Variants in BMPR1A observed in about 807,000 individuals in gnomAD.
BMPR1A encodes the protein bone morphogenetic protein receptor type-1A.
BMPR1A carries 7 observed loss-of-function variants against 66.0 expected under a neutral mutation model. That is an observed-to-expected ratio of 0.11 (90% CI 0.06 to 0.20). The LOEUF is 0.20. BMPR1A is among the 10% of genes least tolerant of loss of function. The pLI, the probability that BMPR1A is intolerant of heterozygous loss-of-function variation, is 1.00. For missense variants in BMPR1A, 408 were observed against 669.1 expected (o/e 0.61, Z 4.31); for synonymous variants, 200 against 229.7 (o/e 0.87, Z 1.17).
intron 1 of BMPR1A, among the ~76,000 whole-genome samples, chr10:86,766,336 T>C (rs939994020): frequency 6.6e-6 from 1 of 152,236 alleles, no homozygotes; most frequent in Non-Finnish European, 1.5e-5. Flanking sequence ...TATTCCATTT[T>C]CTGATTATAC....
Position 86,918,647 on chromosome 10 carries a change from G to A in BMPR1A, c.869-525G>A, listed in dbSNP as rs1843612060. Among the ~76,000 whole-genome samples, 4 of 140,636 alleles carry A rather than the reference G, an allele frequency of 2.8e-5. 1 individual carries two copies. The highest frequency in any genetic ancestry group is 2.2e-4 in the Admixed American group (3 of 13,776). 92.3% of individuals were successfully genotyped at this position (140,636 alleles called of 152,430 possible). A position where few individuals can be genotyped will look rare whatever the true frequency, so the allele number is the denominator to read the frequency against. ...CTTTTCTTTTTTTTTTTTTTGAGAC[G>A]GAGTCTCATTCTGTCGCTCAGGCTG... On this transcript the variant is annotated intron_variant, in intron 9 of 12. Transcript: ENST00000372037.
chr10:86,887,893 C>T (rs1024118167), intron 3 of BMPR1A, among the ~76,000 whole-genome samples: 4 of 152,126 alleles, frequency 2.6e-5, no homozygotes, highest in Admixed American at 1.3e-4. Flanking sequence ...CTAGGTAAAG[C>T]GGGGTAGGCC....
rs1564685566 is a variant in BMPR1A at position 86,790,213 on chromosome 10, A to G, written c.-268+33294A>G. Among the ~76,000 whole-genome samples the G allele has an allele frequency of 1.4e-3, 126 of 87,664 alleles. 32 individuals are homozygous for G. Among genetic ancestry groups the G allele is most frequent in the South Asian group, 6.3e-3 (15 of 2,370 alleles). 57.5% of individuals were successfully genotyped at this position (87,664 alleles called of 152,430 possible). A position where few individuals can be genotyped will look rare whatever the true frequency, so the allele number is the denominator to read the frequency against. ...AATATATATATATATATATATATAT[A>G]TATATATATATATATATATATATCA... On this transcript the variant is annotated intron_variant, in intron 1 of 12. Coordinates refer to ENST00000372037, the MANE Select transcript of BMPR1A (RefSeq NM_004329.3).
chr10:86,822,665 C>G (rs1363611372), intron 1 of BMPR1A, among the ~76,000 whole-genome samples: 1 of 151,724 alleles, frequency 6.6e-6, no homozygotes, highest in Non-Finnish European at 1.5e-5. Context: ...GAGGCAGAGT[C>G]TTACTCTGTC....
chr10:86,883,410 C>T (rs1843019129), intron 3 of BMPR1A, among the ~76,000 whole-genome samples: 1 of 151,662 alleles, frequency 6.6e-6, no homozygotes, highest in South Asian at 2.1e-4. Context: ...ATTAGCCGGG[C>T]GTGGTGGCGG....
chr10:86,801,581 T>A (rs1172385467), intron 1 of BMPR1A, among the ~76,000 whole-genome samples: 1 of 152,168 alleles, frequency 6.6e-6, no homozygotes, highest in African/African-American at 2.4e-5. Flanking sequence ...CAATCTCTGG[T>A]AGAGACTTGG....
intron 2 of BMPR1A, among the ~76,000 whole-genome samples, chr10:86,847,011 C>T (rs1263922321): frequency 6.6e-6 from 1 of 152,070 alleles, no homozygotes; most frequent in Admixed American, 6.6e-5. Flanking sequence ...TCTCGCTCTG[C>T]TCTCTGCTAA....
intron 3 of BMPR1A, among the ~76,000 whole-genome samples, chr10:86,881,414 C>T (rs1477362328): frequency 6.6e-6 from 1 of 152,012 alleles, no homozygotes; most frequent in African/African-American, 2.4e-5. Context: ...AGATGTATTC[C>T]AAGTCATAAA....
rs1482416644 is a variant in BMPR1A at position 86,926,261 on chromosome 10, C to T, written c.*2542C>T. On this transcript the variant is annotated 3_prime_UTR_variant, in exon 13 of 13. Coordinates refer to ENST00000372037, the MANE Select transcript of BMPR1A (RefSeq NM_004329.3). The stretch of plus-strand genomic sequence containing the variant: ...ATGTGGCCGGGCGCGGTGGCTCACG[C>T]CTGTAATCCCAACACTTTGGGAGGC... 1 of 154,362 alleles carries T rather than the reference C, an allele frequency of 6.5e-6. No individual in the cohort carries two copies. Among genetic ancestry groups the T allele is most frequent in the Non-Finnish European group, 1.4e-5 (1 of 69,308 alleles). 9.6% of individuals were successfully genotyped at this position (154,362 alleles called of 1,614,324 possible).
chr10:86,877,123 C>T (rs1842929132), intron 3 of BMPR1A, among the ~76,000 whole-genome samples: 1 of 151,968 alleles, frequency 6.6e-6, no homozygotes, highest in Admixed American at 6.6e-5. Flanking sequence ...TTGCTTTTTC[C>T]TAATGTTTTG....
intron 1 of BMPR1A, among the ~76,000 whole-genome samples, chr10:86,822,442 C>A (rs995081718): frequency 6.6e-6 from 1 of 152,072 alleles, no homozygotes; most frequent in African/African-American, 2.4e-5. Context: ...TCTGTACAAC[C>A]ATTATCACAG....
chr10:86,792,284 C>T (rs954601523), intron 1 of BMPR1A, among the ~76,000 whole-genome samples: 2 of 152,004 alleles, frequency 1.3e-5, no homozygotes, highest in Non-Finnish European at 2.9e-5. Context: ...CCAGGATGGT[C>T]TTGATCTCCT....
At chr10:86,889,856 T>C in intron 3 of BMPR1A, 2 of 605,072 alleles carry the variant, frequency 3.3e-6, no homozygotes, top group Non-Finnish European at 2.9e-6. Context: ...GCTGTCTTCA[T>C]GTACCCCGCA....
chr10:86,803,004 CAAA>C (rs59957238), intron 1 of BMPR1A, among the ~76,000 whole-genome samples: 1 of 75,944 alleles, frequency 1.3e-5, no homozygotes. Flanking sequence ...GACCCGGTCT[CAAA>C]AAAAAAAAAA....
At chr10:86,919,871 C>G (rs989972136) in intron 10 of BMPR1A, among the ~76,000 whole-genome samples, 1 of 152,046 alleles carries the variant, frequency 6.6e-6, no homozygotes, top group East Asian at 1.9e-4. Context: ...CCACACCTAG[C>G]TAATGTTTTT....
At position 86,763,300 on chromosome 10, in the gene BMPR1A, C is replaced by T. The variant is rs530929341; in HGVS notation, c.-268+6381C>T. Among the ~76,000 whole-genome samples the T allele has an allele frequency of 3.3e-5, 5 of 152,098 alleles. No individual in the cohort carries two copies. The South Asian group carries it at 6.2e-4, about 19-fold the overall frequency. On this transcript the variant is annotated intron_variant, in intron 1 of 12. Coordinates refer to ENST00000372037, the MANE Select transcript of BMPR1A (RefSeq NM_004329.3). ...AGTATAAAAAGCCATAAAGAAGCAGCGGAATGATTAAGTTTCAGCTTCTAA... is the reference window on the plus strand; with the variant it reads ...AGTATAAAAAGCCATAAAGAAGCAGTGGAATGATTAAGTTTCAGCTTCTAA...
rs372947116 is a variant in BMPR1A, at chr10:86,791,676, C to A, written c.-268+34757C>A. Among the ~76,000 whole-genome samples the A allele has an allele frequency of 7.4e-5, 11 of 149,636 alleles. No individual in the cohort carries two copies. In the East Asian group the frequency reaches 1.4e-3, roughly 19 times the overall value. ...CATTTCCAGTAATTTTTCTTTCCTT[C>A]TTTACTTCCTTCCTCCCTCCCTCCC... On this transcript the variant is annotated intron_variant, in intron 1 of 12. Transcript: ENST00000372037.
intron 2 of BMPR1A, among the ~76,000 whole-genome samples, chr10:86,863,019 G>A (rs1392587265): frequency 2.0e-5 from 3 of 147,916 alleles, no homozygotes; most frequent in African/African-American, 5.1e-5. Context: ...TCGCTTTGTC[G>A]CCCAGGCTGG....
chr10:86,804,214 T>C (rs1841852413), intron 1 of BMPR1A, among the ~76,000 whole-genome samples: 1 of 152,134 alleles, frequency 6.6e-6, no homozygotes, highest in Admixed American at 6.6e-5. Context: ...TAGTAATATA[T>C]GGGTTTGGTT....
Sources: gnomAD v4.1 joint callset for allele counts (sites outside exome capture counted in the v4.1 genomes callset) on GRCh38, gnomAD v4.1.1 for gene constraint, MANE v1.5 for transcripts, NCBI Gene and HGNC (gene_info 2026-07-23, HGNC 2026-07-21) for gene names.